The following PCDH15 variants were observed in gnomAD, a reference collection of about 807,000 sequenced individuals.
PCDH15 encodes protocadherin-15.
In PCDH15, 129 loss-of-function variants were observed where a neutral mutation model predicts 178.5. The observed-to-expected ratio is 0.72, with a 90% CI of 0.63 to 0.84. The LOEUF (loss-of-function observed/expected upper bound fraction) is 0.84, where lower values mean the gene tolerates loss of function less well. PCDH15 is among the 40% of genes least tolerant of loss of function. The pLI, the probability that PCDH15 is intolerant of heterozygous loss-of-function variation, is 0.00. For missense variants in PCDH15, 2,230 were observed against 2,099.9 expected (o/e 1.06, Z -1.21); for synonymous variants, 800 against 732.0 (o/e 1.09, Z -1.50).
At chr10:53,929,879 TA>T (rs1430209224) in intron 25 of PCDH15, among the ~76,000 whole-genome samples, 2 of 152,182 alleles carry the variant, frequency 1.3e-5, no homozygotes, top group Non-Finnish European at 2.9e-5. Context: ...AATTTTACCA[TA>T]AAGCAAAAAT....
At chr10:53,844,076 G>C (rs1375313927) in intron 28 of PCDH15, among the ~76,000 whole-genome samples, 2 of 151,658 alleles carry the variant, frequency 1.3e-5, no homozygotes, top group African/African-American at 4.8e-5. Context: ...CTAGGAATGA[G>C]TGTTCTAAGA....
intron 3 of PCDH15, among the ~76,000 whole-genome samples, chr10:54,896,515 A>G (rs960066778): frequency 2.7e-4 from 6 of 22,498 alleles, no homozygotes; most frequent in African/African-American, 6.5e-4. Flanking sequence ...TCCCAGCGGA[A>G]AAAAAAAAAA....
At chr10:55,173,467 T>C (rs1485646932) in intron 1 of PCDH15, among the ~76,000 whole-genome samples, 2 of 152,046 alleles carry the variant, frequency 1.3e-5, no homozygotes, top group Non-Finnish European at 2.9e-5. Flanking sequence ...CCTAATCTCA[T>C]AGAAAATCAT....
At chr10:55,584,202 T>C (rs1185728190) in intron 2 of PCDH15, among the ~76,000 whole-genome samples, 2 of 152,096 alleles carry the variant, frequency 1.3e-5, no homozygotes, top group African/African-American at 2.4e-5. Context: ...TAAATACTTT[T>C]TTATTATTTT....
chr10:55,082,958 T>A (rs1456240286), intron 2 of PCDH15, among the ~76,000 whole-genome samples: 1 of 152,010 alleles, frequency 6.6e-6, no homozygotes, highest in African/African-American at 2.4e-5. Flanking sequence ...TGCTGAATTT[T>A]ATTAAACATT....
In PCDH15 at chr10:54,822,340, A is replaced by G. The variant is rs73252087; in HGVS notation, c.-29+75110T>C. On this transcript the variant is annotated intron_variant, in intron 3 of 5. Transcript: ENST00000458638. ...AACCACCACTCTACTCTCTGCCTCCATGAGGTCAATTTTTTTAGCTCCCAC... is the reference window on the plus strand; with the variant it reads ...AACCACCACTCTACTCTCTGCCTCCGTGAGGTCAATTTTTTTAGCTCCCAC... Among the ~76,000 whole-genome samples, 558 of 152,168 alleles carry G rather than the reference A, an allele frequency of 3.7e-3. 1 individual carries two copies. The highest frequency in any genetic ancestry group is 0.013 in the African/African-American group (536 of 41,538).
intron 14 of PCDH15, among the ~76,000 whole-genome samples, chr10:54,146,615 A>T (rs1251616966): frequency 6.6e-6 from 1 of 151,782 alleles, no homozygotes; most frequent in Non-Finnish European, 1.5e-5. Context: ...AAAACACTAA[A>T]CTATGTACTA....
At chr10:54,934,231 A>C (rs1619666) in intron 2 of PCDH15, among the ~76,000 whole-genome samples, 20,380 of 152,046 alleles carry the variant, frequency 0.13, 1,563 homozygotes, top group East Asian at 0.23. Flanking sequence ...AAAGCACATA[A>C]TTTATCTTCA....
chr10:55,101,829 T>G (rs1050972867), intron 2 of PCDH15, among the ~76,000 whole-genome samples: 1 of 151,788 alleles, frequency 6.6e-6, no homozygotes, highest in Non-Finnish European at 1.5e-5. Context: ...AAAAACTAAG[T>G]GCATTTTCAT....
At chr10:54,417,122 T>C (rs1253326607) in intron 3 of PCDH15, among the ~76,000 whole-genome samples, 1 of 152,114 alleles carries the variant, frequency 6.6e-6, no homozygotes, top group Non-Finnish European at 1.5e-5. Context: ...ATTCCTGGGC[T>C]CAAGTGATCC....
chr10:55,267,765 T>C (rs879677866), intron 1 of PCDH15, among the ~76,000 whole-genome samples: 4 of 152,214 alleles, frequency 2.6e-5, no homozygotes, highest in Admixed American at 6.5e-5. Context: ...AGAAATAGGA[T>C]TGCAGTATCT....
At chr10:54,030,036 C>T (rs1400784726) in intron 18 of PCDH15, among the ~76,000 whole-genome samples, 1 of 152,156 alleles carries the variant, frequency 6.6e-6, no homozygotes, top group East Asian at 1.9e-4. Flanking sequence ...AATATCCATT[C>T]AGATTAATTA....
chr10:54,598,755 G>C (rs181295038), intron 2 of PCDH15, among the ~76,000 whole-genome samples: 34 of 152,178 alleles, frequency 2.2e-4, no homozygotes, highest in African/African-American at 8.2e-4. Flanking sequence ...TCTGTAAGCT[G>C]ACAAACAACT....
chr10:54,488,437 T>C (rs2079292651), intron 3 of PCDH15, among the ~76,000 whole-genome samples: 1 of 151,398 alleles, frequency 6.6e-6, no homozygotes, highest in South Asian at 2.1e-4. Context: ...AATGTTTGCC[T>C]TTTTAAGGTA....
intron 2 of PCDH15, among the ~76,000 whole-genome samples, chr10:55,099,432 GAA>G (rs1842525454): frequency 2.6e-5 from 4 of 151,950 alleles, no homozygotes; most frequent in African/African-American, 9.7e-5. Flanking sequence ...AACTAAATGA[GAA>G]ATGTCACAGG....
At chr10:55,612,718 G>A (rs1843393308) in intron 2 of PCDH15, among the ~76,000 whole-genome samples, 1 of 152,066 alleles carries the variant, frequency 6.6e-6, no homozygotes, top group African/African-American at 2.4e-5. Context: ...TAGCAGAATG[G>A]TACCAATGGC....
chr10:55,024,418 T>C (rs1840424297), intron 2 of PCDH15, among the ~76,000 whole-genome samples: 1 of 146,722 alleles, frequency 6.8e-6, no homozygotes, highest in Non-Finnish European at 1.5e-5. Flanking sequence ...CATATATATA[T>C]AGAAAGAGAT....
chr10:55,257,443 C>T (rs1445235946), intron 1 of PCDH15, among the ~76,000 whole-genome samples: 4 of 151,896 alleles, frequency 2.6e-5, no homozygotes, highest in East Asian at 3.9e-4. Flanking sequence ...GGAGGAAGTT[C>T]GAACCCATGG....
intron 2 of PCDH15, among the ~76,000 whole-genome samples, chr10:55,562,476 G>T (rs1842220654): frequency 6.6e-6 from 1 of 151,924 alleles, no homozygotes; most frequent in African/African-American, 2.4e-5. Flanking sequence ...GAGGCATCAT[G>T]TTCAGTAAAA....
Sources: allele counts gnomAD v4.1 joint callset (sites outside exome capture counted in the v4.1 genomes callset), GRCh38; gene constraint gnomAD v4.1.1; transcripts MANE v1.5; gene names NCBI Gene and HGNC (gene_info 2026-07-23, HGNC 2026-07-21).